DDX56: variants seen among roughly 807,000 people sequenced by gnomAD.
The protein encoded by DDX56 is probable ATP-dependent RNA helicase DDX56.
DDX56 carries 45 observed loss-of-function variants against 61.5 expected under a neutral mutation model. The ratio of observed to expected loss-of-function variants is 0.73; its 90% confidence interval spans 0.58 to 0.94. The LOEUF is 0.94. Among genes scored for constraint, DDX56 ranks in the 40% least tolerant of loss-of-function variants. The pLI is 0.00. For missense variants in DDX56, 708 were observed against 690.7 expected (o/e 1.02, Z -0.28); for synonymous variants, 273 against 268.3 (o/e 1.02, Z -0.17).
rs774495551 is a variant in DDX56, at chr7:44,571,695, G to C, written c.687C>G (p.Asp229Glu). The C allele has an allele frequency of 1.9e-6, 3 of 1,614,068 alleles. No individual in the cohort carries two copies. Among genetic ancestry groups the C allele is most frequent in the Admixed American group, 1.7e-5 (1 of 60,022 alleles). The stretch of plus-strand genomic sequence containing the variant: ...AGACCACCTGAAACTGCTGTAACTG[G>C]TCTGGCCCAGGCAGCTGGGACTCCT... Reference protein sequence around the residue: ...KLQESQLPGPDQLQQFQVVCE... With the variant: ...KLQESQLPGPEQLQQFQVVCE... Residue 229 changes from aspartate (D) to glutamate (E), a missense_variant, in exon 6 of 14, where the codon GAC (aspartate) becomes GAG (glutamate). By Grantham distance (45) the Asp-to-Glu change is conservative. Coordinates refer to ENST00000258772, the MANE Select transcript of DDX56 (RefSeq NM_019082.4).
At chr7:44,566,387 G>A (rs1267460490) in intron 13 of DDX56, 61 bp downstream of exon 13, 2 of 1,399,770 alleles carry the variant, frequency 1.4e-6, no homozygotes, top group Admixed American at 2.0e-5. Context: ...ACATTCTGGT[G>A]ATGACAAAAG....
intron 13 of DDX56, 66 bp downstream of exon 13, chr7:44,566,382 C>G (rs1802535905): frequency 5.8e-6 from 8 of 1,386,226 alleles, no homozygotes; most frequent in Non-Finnish European, 8.0e-6. Flanking sequence ...CCTCCACATT[C>G]TGGTGATGAC....
At chr7:44,566,328 C>T (rs988648210) in intron 13 of DDX56, 120 bp downstream of exon 13, 8 of 1,005,782 alleles carry the variant, frequency 8.0e-6, no homozygotes, top group African/African-American at 1.6e-5. Context: ...GCCCCCTCTT[C>T]CCCTCCCTAG....
At chr7:44,572,855 C>T (rs217373) in intron 3 of DDX56, 35 bp downstream of exon 3, 4 of 1,587,838 alleles carry the variant, frequency 2.5e-6, no homozygotes, top group Admixed American at 1.7e-5. Flanking sequence ...CACTGTGTAG[C>T]TTCATTCAGG....
At chr7:44,573,772 G>A (rs1410148580) in intron 1 of DDX56, 28 bp from the exon 2 acceptor site, 1 of 1,613,342 alleles carries the variant, frequency 6.2e-7, no homozygotes, top group Non-Finnish European at 8.5e-7. Flanking sequence ...CGGTTTAAGC[G>A]GCGTGAAGAG....
chr7:44,573,097 G>A, intron 2 of DDX56, 47 bp from the exon 3 acceptor site: 1 of 1,503,458 alleles, frequency 6.7e-7, no homozygotes, highest in East Asian at 2.3e-5. Context: ...GCACATCACT[G>A]TGTCCACGTG....
Position 44,573,467 on chromosome 7 carries a change from C to T in DDX56, c.222+116G>A, listed in dbSNP as rs550382798. On this transcript the variant is annotated intron_variant, in intron 2 of 13. Transcript: ENST00000258772. The stretch of plus-strand genomic sequence containing the variant: ...GTGTTTGCCACAACAGCACCAGGTT[C>T]TCAGGCCGGCCTGCACGGGTACAGG... 65 of 1,380,592 alleles carry T rather than the reference C, an allele frequency of 4.7e-5. No homozygotes were observed. The East Asian group carries it at 1.5e-3, about 31-fold the overall frequency. 85.5% of individuals were successfully genotyped at this position (1,380,592 alleles called of 1,614,324 possible). A position where few individuals can be genotyped will look rare whatever the true frequency, so the allele number is the denominator to read the frequency against.
chr7:44,569,167 C>A lies in DDX56; in HGVS notation c.1256G>T (p.Arg419Leu). ...RGPILLPYQF[R>L]MEEIEGFRYR... ...GCGGAAGCCCTCGATCTCCTCCATC[C>A]GGAACTGGTAGGGGAGCAGAATGGG... Residue 419 changes from arginine (R) to leucine (L), a missense_variant, in exon 10 of 14, where the codon CGG becomes CTG. Physicochemically the swap from Arg to Leu is moderately radical, Grantham distance 102. Coordinates refer to ENST00000258772, the MANE Select transcript of DDX56 (RefSeq NM_019082.4). 1 of 1,614,102 alleles carries A rather than the reference C, an allele frequency of 6.2e-7. No homozygotes were observed. Among genetic ancestry groups the A allele is most frequent in the Non-Finnish European group, 8.5e-7 (1 of 1,180,020 alleles).
chr7:44,571,702 C>T lies in DDX56; in HGVS notation c.680G>A (p.Gly227Glu). 6.2e-7 allele frequency: 1 copy of T among 1,614,014 alleles called. No homozygotes were observed. The highest frequency in any genetic ancestry group is 1.1e-5 in the South Asian group (1 of 91,088). Residue 227 changes from glycine to glutamate, a missense_variant, in exon 6 of 14, where the codon GGG (glycine) becomes GAG (glutamate). Transcript: ENST00000258772. ...TLKLQESQLP[G>E]PDQLQQFQVV... ...CTGAAACTGCTGTAACTGGTCTGGC[C>T]CAGGCAGCTGGGACTCCTGTAACTT...
At chr7:44,573,459 A>G in intron 2 of DDX56, 124 bp downstream of exon 2, 2 of 1,286,434 alleles carry the variant, frequency 1.6e-6, no homozygotes. Flanking sequence ...CCACAACAGC[A>G]CCAGGTTCTC....
chr7:44,568,025 C>T (rs1802584455), intron 12 of DDX56, 93 bp downstream of exon 12: 1 of 1,001,354 alleles, frequency 1.0e-6, no homozygotes, highest in Non-Finnish European at 1.6e-6. Context: ...GCCTGAGCAT[C>T]CCCAGCACCA....
chr7:44,568,979 G>A lies in DDX56; in HGVS notation c.1307C>T (p.Ser436Leu). The A allele has an allele frequency of 6.2e-7, 1 of 1,614,032 alleles. No individual in the cohort carries two copies. Among genetic ancestry groups the A allele is most frequent in the Non-Finnish European group, 8.5e-7 (1 of 1,180,014 alleles). Reference protein sequence around the residue: ...FRYRCRDAMRSVTKQAIREAR... With the variant: ...FRYRCRDAMRLVTKQAIREAR... ...CTCCCGAATGGCCTGCTTAGTCACT[G>A]AGCGCATGGCATCCTGGGGGTGGAC... The change falls in exon 11 of 14, where the codon TCA (serine) becomes TTA (leucine). Residue 436 changes from serine to leucine, a missense_variant. Ser to Leu is a moderately radical substitution (Grantham distance 145). Transcript: ENST00000258772.
At position 44,566,460 on chromosome 7, in the gene DDX56, A is replaced by G. The variant is rs1802538351; in HGVS notation, c.1554T>C (p.Cys518=). The G allele has an allele frequency of 5.1e-6, 8 of 1,557,280 alleles. No individual in the cohort carries two copies. The East Asian group carries it at 1.7e-4, about 33-fold the overall frequency. The change falls in exon 13 of 14, where the codon TGT becomes TGC. Residue 518 remains cysteine, a synonymous_variant. Transcript: ENST00000258772. The part of the protein sequence containing the change: ...HKKRKKLSSS[C]RKAKRAKSQN... ...CCAGGAGCCGTACCTTGGCCTTCCT[A>G]CAAGAGGAAGACAGCTTCTTCCGCT... is the stretch of plus-strand genomic sequence containing the variant.
intron 5 of DDX56, among the ~76,000 whole-genome samples, chr7:44,572,010 A>G (rs1419932708): frequency 6.6e-6 from 1 of 152,260 alleles, no homozygotes; most frequent in African/African-American, 2.4e-5. Flanking sequence ...TGAGAAGGGA[A>G]GGCCTACAGC....
intron 5 of DDX56, among the ~76,000 whole-genome samples, chr7:44,572,096 C>G (rs1388146065): frequency 1.3e-5 from 2 of 152,246 alleles, no homozygotes; most frequent in Non-Finnish European, 2.9e-5. Context: ...CTGCTCAAAG[C>G]TGCCCCTTAG....
intron 11 of DDX56, 39 bp from the exon 12 acceptor site, chr7:44,568,262 T>C: frequency 6.9e-7 from 1 of 1,457,524 alleles, no homozygotes; most frequent in Non-Finnish European, 9.5e-7. Context: ...GTGAGCATCT[T>C]TCTTCTGTGA....
Position 44,568,889 on chromosome 7 carries a change from T to G in DDX56, c.1383+14A>C. 1.2e-6 allele frequency: 2 copies of G among 1,605,754 alleles called. No individual in the cohort carries two copies. The highest frequency in any genetic ancestry group is 1.7e-6 in the Non-Finnish European group (2 of 1,172,530). On this transcript the variant is annotated intron_variant, in intron 11 of 13. Coordinates refer to ENST00000258772, the MANE Select transcript of DDX56 (RefSeq NM_019082.4). Reference sequence around the variant, plus strand: ...GTCTAAGATCTATCCCCTTCTCACCTCCCATCCACTCACCTTAAGCTTCTC... The same window carrying G: ...GTCTAAGATCTATCCCCTTCTCACCGCCCATCCACTCACCTTAAGCTTCTC...
At chr7:44,571,085 C>T (rs1802657394) in intron 6 of DDX56, among the ~76,000 whole-genome samples, 1 of 152,218 alleles carries the variant, frequency 6.6e-6, no homozygotes, top group East Asian at 1.9e-4. Context: ...GTTGCCCAGG[C>T]TGGAGTGCAA....
rs765181018 is a variant in DDX56, at chr7:44,566,470, G to C, written c.1544C>G (p.Ser515Cys). The C allele has an allele frequency of 6.4e-7, 1 of 1,561,422 alleles. No individual in the cohort carries two copies. Residue 515 changes from serine (S) to cysteine (C), a missense_variant, in exon 13 of 14, where the codon TCT (serine) becomes TGT (cysteine). Coordinates refer to ENST00000258772, the MANE Select transcript of DDX56 (RefSeq NM_019082.4). ...VRPHKKRKKL[S>C]SSCRKAKRAK... ...TACCTTGGCCTTCCTACAAGAGGAA[G>C]ACAGCTTCTTCCGCTTCTTGTGAGG...
Sources: gnomAD v4.1 joint callset for allele counts (sites outside exome capture counted in the v4.1 genomes callset) on GRCh38, gnomAD v4.1.1 for gene constraint, MANE v1.5 for transcripts, NCBI Gene and HGNC (gene_info 2026-07-23, HGNC 2026-07-21) for gene names.